Variants in ATL1 observed in about 807,000 individuals in gnomAD.
The protein encoded by ATL1 is atlastin GTPase 1.
Under a neutral mutation model 75.5 loss-of-function variants are expected in ATL1, and 31 were observed. The ratio of observed to expected loss-of-function variants is 0.41; its 90% CI spans 0.31 to 0.55. The LOEUF is 0.55. ATL1 is among the 20% of genes least tolerant of loss of function. The pLI is 0.27. For synonymous variants in ATL1, 226 were observed against 233.3 expected (o/e 0.97, Z 0.28); for missense variants, 405 against 662.6 (o/e 0.61, Z 4.27).
chr14:50,611,059 GA>G (rs2039361344), intron 6 of ATL1, among the ~76,000 whole-genome samples: 1 of 151,988 alleles, frequency 6.6e-6, no homozygotes, highest in Non-Finnish European at 1.5e-5. Flanking sequence ...TAGCTGTCTT[GA>G]AAAACTGACT....
intron 8 of ATL1, among the ~76,000 whole-genome samples, chr14:50,618,228 G>A (rs1407522466): frequency 1.3e-5 from 2 of 152,040 alleles, no homozygotes; most frequent in African/African-American, 4.8e-5. Flanking sequence ...TACTAAAGAT[G>A]AAAAAACGTA....
chr14:50,594,550 A>T (rs2039194244), intron 5 of ATL1, among the ~76,000 whole-genome samples: 1 of 152,208 alleles, frequency 6.6e-6, no homozygotes, highest in African/African-American at 2.4e-5. Context: ...CAGAGCAATC[A>T]CTGCTCCAAA....
chr14:50,554,057 T>C (rs1566711012), intron 1 of ATL1, among the ~76,000 whole-genome samples: 1 of 151,950 alleles, frequency 6.6e-6, no homozygotes, highest in African/African-American at 2.4e-5. Flanking sequence ...AAAGAACTTA[T>C]TAATGTAACA....
intron 1 of ATL1, among the ~76,000 whole-genome samples, chr14:50,562,131 A>T: frequency 6.7e-6 from 1 of 150,182 alleles, no homozygotes; most frequent in Non-Finnish European, 1.5e-5. Context: ...TGCAAGCTCC[A>T]CCTCCCGGGT....
At chr14:50,599,184 A>G (rs2039248724) in intron 6 of ATL1, among the ~76,000 whole-genome samples, 1 of 152,216 alleles carries the variant, frequency 6.6e-6, no homozygotes, top group Non-Finnish European at 1.5e-5. Context: ...AAGTCAACAA[A>G]AGATTACTAA....
At chr14:50,552,802 G>A (rs142673073) in intron 1 of ATL1, among the ~76,000 whole-genome samples, 1 of 152,272 alleles carries the variant, frequency 6.6e-6, no homozygotes, top group African/African-American at 2.4e-5. Flanking sequence ...GGGATAACTG[G>A]CAAGCCACAT....
intron 1 of ATL1, among the ~76,000 whole-genome samples, chr14:50,545,160 CA>C (rs2038615277): frequency 6.6e-6 from 1 of 152,048 alleles, no homozygotes; most frequent in Non-Finnish European, 1.5e-5. Flanking sequence ...ACACAGTAGG[CA>C]AAGAGCCAGA....
chr14:50,545,076 C>T lies in ATL1; in HGVS notation c.-140+11709C>T, dbSNP rs561326732. The stretch of plus-strand genomic sequence containing the variant: ...AAGGCCATGATGTCCAGCCAAGGAA[C>T]AGGTGTTTCTGAGAACCCAAACATC... On this transcript the variant is annotated intron_variant, in intron 1 of 13. Coordinates refer to the ATL1 transcript ENST00000441560. Among the ~76,000 whole-genome samples the T allele has an allele frequency of 1.4e-4, 22 of 151,832 alleles. 1 individual carries two copies. The highest frequency in any genetic ancestry group is 1.2e-3 in the Admixed American group (19 of 15,262).
intron 1 of ATL1, among the ~76,000 whole-genome samples, chr14:50,564,714 C>G (rs1339971439): frequency 1.4e-5 from 2 of 141,576 alleles, no homozygotes; most frequent in East Asian, 4.2e-4. Flanking sequence ...GTATTCGCAG[C>G]AAAGTATCAG....
intron 1 of ATL1, among the ~76,000 whole-genome samples, chr14:50,540,796 A>G (rs2038551359): frequency 6.6e-6 from 1 of 152,218 alleles, no homozygotes; most frequent in Non-Finnish European, 1.5e-5. Flanking sequence ...GGTAGGAACA[A>G]GTGTAACCTC....
chr14:50,582,672 C>T (rs893809090), intron 1 of ATL1, among the ~76,000 whole-genome samples: 106 of 151,754 alleles, frequency 7.0e-4, no homozygotes, highest in African/African-American at 2.5e-3. Context: ...ATGATCCACC[C>T]GCCTCGGCCT....
intron 7 of ATL1, among the ~76,000 whole-genome samples, chr14:50,613,723 C>T (rs2039388124): frequency 6.6e-6 from 1 of 152,078 alleles, no homozygotes; most frequent in South Asian, 2.1e-4. Flanking sequence ...CAATACTGTA[C>T]AAATTGTTAC....
chr14:50,535,795 G>GT (rs1439464837), intron 1 of ATL1, among the ~76,000 whole-genome samples: 1 of 152,182 alleles, frequency 6.6e-6, no homozygotes, highest in Non-Finnish European at 1.5e-5. Flanking sequence ...CATCAGATAT[G>GT]TTACTGATAT....
chr14:50,580,894 C>T (rs1016131295), intron 1 of ATL1, among the ~76,000 whole-genome samples: 3 of 151,878 alleles, frequency 2.0e-5, no homozygotes, highest in Admixed American at 2.0e-4. Flanking sequence ...TAACAGTATT[C>T]ATAGTTATTT....
intron 1 of ATL1, among the ~76,000 whole-genome samples, chr14:50,568,240 T>G (rs1250283716): frequency 6.6e-6 from 1 of 152,182 alleles, no homozygotes; most frequent in Non-Finnish European, 1.5e-5. Flanking sequence ...TATTAGTATA[T>G]GATGTCCTAG....
At chr14:50,567,443 T>C (rs1295263841) in intron 1 of ATL1, among the ~76,000 whole-genome samples, 2 of 152,208 alleles carry the variant, frequency 1.3e-5, no homozygotes, top group East Asian at 3.8e-4. Context: ...AAGTATCCCT[T>C]TGAGACCCTG....
intron 1 of ATL1, among the ~76,000 whole-genome samples, chr14:50,546,477 A>G (rs1239234695): frequency 6.6e-6 from 1 of 152,194 alleles, no homozygotes; most frequent in African/African-American, 2.4e-5. Flanking sequence ...GCTTATAAGT[A>G]AATGAGTACT....
At chr14:50,585,398 T>C (rs2039092638) in intron 1 of ATL1, among the ~76,000 whole-genome samples, 5 of 152,210 alleles carry the variant, frequency 3.3e-5, no homozygotes, top group African/African-American at 1.2e-4. Context: ...CAAAATATTA[T>C]GTCTAGCTTG....
At chr14:50,579,175 G>A (rs1721047338) in intron 1 of ATL1, among the ~76,000 whole-genome samples, 1 of 152,132 alleles carries the variant, frequency 6.6e-6, no homozygotes. Context: ...TTTGTGTATG[G>A]TGAGAGCTAA....
Sources: allele counts gnomAD v4.1 joint callset (sites outside exome capture counted in the v4.1 genomes callset), GRCh38; gene constraint gnomAD v4.1.1; transcripts MANE v1.5; gene names NCBI Gene and HGNC (gene_info 2026-07-23, HGNC 2026-07-21).